The following KCNIP4 variants were observed in gnomAD, a reference collection of about 807,000 sequenced individuals.
KCNIP4 encodes Kv channel-interacting protein 4.
KCNIP4 carries 12 observed loss-of-function variants against 34.0 expected under a neutral mutation model. That is an observed-to-expected ratio of 0.35 (90% CI 0.23 to 0.57). The LOEUF (loss-of-function observed/expected upper bound fraction) is 0.57, where lower values mean the gene tolerates loss of function less well. Ranked by LOEUF, KCNIP4 falls within the 20% of genes least tolerant of loss-of-function variation. The pLI is 0.83. For synonymous variants in KCNIP4, 124 were observed against 102.2 expected, an observed-to-expected ratio of 1.21 and a Z score of -1.29; for missense variants, 238 against 311.7, an observed-to-expected ratio of 0.76 and a Z score of 1.78.
At chr4:20,988,511 T>C (rs955321728) in intron 1 of KCNIP4, among the ~76,000 whole-genome samples, 1 of 152,240 alleles carries the variant, frequency 6.6e-6, no homozygotes, top group Non-Finnish European at 1.5e-5. Context: ...CACCACGTGA[T>C]AGTCTCGGTT....
chr4:21,557,113 C>T (rs1287053159), intron 1 of KCNIP4, among the ~76,000 whole-genome samples: 2 of 151,908 alleles, frequency 1.3e-5, no homozygotes, highest in Non-Finnish European at 2.9e-5. Flanking sequence ...CCATGTGGAG[C>T]ACTTACTAAA....
At chr4:21,932,146 C>CT (rs916136279) in intron 1 of KCNIP4, among the ~76,000 whole-genome samples, 1 of 152,026 alleles carries the variant, frequency 6.6e-6, no homozygotes, top group African/African-American at 2.4e-5. Flanking sequence ...TACCATATGC[C>CT]TTTTTTAAAT....
At chr4:21,827,837 C>A (rs558704506) in intron 1 of KCNIP4, among the ~76,000 whole-genome samples, 1 of 152,012 alleles carries the variant, frequency 6.6e-6, no homozygotes, top group Admixed American at 6.6e-5. Flanking sequence ...CCAAGAATTT[C>A]ATTTAACATT....
chr4:20,984,001 G>C, intron 1 of KCNIP4: 1 of 1,517,102 alleles, frequency 6.6e-7, no homozygotes, highest in South Asian at 1.2e-5. Context: ...TCGTAGCAAC[G>C]TCAGGCTTGG....
At chr4:21,830,997 G>A (rs888240021) in intron 1 of KCNIP4, among the ~76,000 whole-genome samples, 22 of 152,006 alleles carry the variant, frequency 1.4e-4, no homozygotes, top group African/African-American at 5.1e-4. Flanking sequence ...ATCAATAACA[G>A]GAGAAATCCT....
intron 1 of KCNIP4, among the ~76,000 whole-genome samples, chr4:21,183,859 T>C (rs1755023766): frequency 6.6e-6 from 1 of 152,114 alleles, no homozygotes. Flanking sequence ...ATCTTAGCTC[T>C]AATGTCATCT....
At chr4:21,281,479 A>G (rs1762771192) in intron 1 of KCNIP4, among the ~76,000 whole-genome samples, 1 of 152,218 alleles carries the variant, frequency 6.6e-6, no homozygotes, top group African/African-American at 2.4e-5. Flanking sequence ...AATCTGATTG[A>G]TGTGTCAAGT....
intron 1 of KCNIP4, among the ~76,000 whole-genome samples, chr4:21,441,650 A>G (rs1727496928): frequency 6.6e-6 from 1 of 152,178 alleles, no homozygotes; most frequent in South Asian, 2.1e-4. Flanking sequence ...TATTTTTCCT[A>G]CTATGTCTTT....
intron 1 of KCNIP4, among the ~76,000 whole-genome samples, chr4:21,262,785 T>C (rs1328687068): frequency 6.6e-6 from 1 of 152,176 alleles, no homozygotes; most frequent in Non-Finnish European, 1.5e-5. Context: ...GTGAATCCCA[T>C]TTATTTTATT....
intron 1 of KCNIP4, among the ~76,000 whole-genome samples, chr4:20,982,920 C>T (rs1736214511): frequency 6.6e-6 from 1 of 152,150 alleles, no homozygotes; most frequent in Admixed American, 6.6e-5. Flanking sequence ...TAGCAAGTAT[C>T]TCATGGACGT....
chr4:21,256,541 G>C (rs1391329102), intron 1 of KCNIP4, among the ~76,000 whole-genome samples: 1 of 152,056 alleles, frequency 6.6e-6, no homozygotes, highest in Non-Finnish European at 1.5e-5. Flanking sequence ...TAAGCTAGCA[G>C]TGAGCTATGA....
intron 1 of KCNIP4, among the ~76,000 whole-genome samples, chr4:21,482,864 G>A (rs1197741918): frequency 6.6e-6 from 1 of 152,014 alleles, no homozygotes; most frequent in Non-Finnish European, 1.5e-5. Context: ...GGCCTGACTT[G>A]CTAGATATAA....
chr4:20,803,014 G>C (rs1714543663), intron 3 of KCNIP4, among the ~76,000 whole-genome samples: 1 of 146,998 alleles, frequency 6.8e-6, no homozygotes, highest in Non-Finnish European at 1.5e-5. Context: ...GGCGTAGCAT[G>C]CAGTGAGCAG....
intron 1 of KCNIP4, among the ~76,000 whole-genome samples, chr4:21,581,011 T>C (rs141902812): frequency 1.4e-4 from 22 of 152,208 alleles, no homozygotes; most frequent in African/African-American, 5.1e-4. Flanking sequence ...TAAACTGTAG[T>C]GCATGTTCAA....
intron 1 of KCNIP4, among the ~76,000 whole-genome samples, chr4:21,761,446 A>T (rs1445655299): frequency 6.6e-6 from 1 of 152,160 alleles, no homozygotes; most frequent in Non-Finnish European, 1.5e-5. Context: ...TAAATCTATA[A>T]GGCCAGTAGC....
intron 1 of KCNIP4, chr4:21,303,956 C>T (rs1391143930): frequency 1.3e-6 from 2 of 1,550,772 alleles, no homozygotes; most frequent in African/African-American, 2.8e-5. Flanking sequence ...TGCTCCTCTG[C>T]CTGGCTTTCT....
At chr4:21,134,532 G>GT (rs1361268553) in intron 1 of KCNIP4, among the ~76,000 whole-genome samples, 13 of 152,146 alleles carry the variant, frequency 8.5e-5, no homozygotes, top group Admixed American at 6.5e-4. Flanking sequence ...CCTAACCTCT[G>GT]TAAGTGTCAA....
chr4:21,450,785 T>C (rs1476809251), intron 1 of KCNIP4, among the ~76,000 whole-genome samples: 1 of 152,160 alleles, frequency 6.6e-6, no homozygotes, highest in African/African-American at 2.4e-5. Context: ...TCTATGGAAG[T>C]ATTATAAGAA....
intron 1 of KCNIP4, among the ~76,000 whole-genome samples, chr4:21,875,770 C>A (rs914324835): frequency 6.6e-6 from 1 of 152,028 alleles, no homozygotes; most frequent in African/African-American, 2.4e-5. Flanking sequence ...ATCACACAGG[C>A]CTGATTTCAT....
Sources: allele counts gnomAD v4.1 joint callset (sites outside exome capture counted in the v4.1 genomes callset), GRCh38; gene constraint gnomAD v4.1.1; transcripts MANE v1.5; gene names NCBI Gene and HGNC (gene_info 2026-07-23, HGNC 2026-07-21).